Variants in ARHGAP26 observed in about 807,000 individuals in gnomAD.
ARHGAP26 encodes rho GTPase-activating protein 26.
In ARHGAP26, 38 loss-of-function variants were observed where a neutral mutation model predicts 104.8. The ratio of observed to expected loss-of-function variants is 0.36; its 90% CI spans 0.28 to 0.48. The LOEUF (loss-of-function observed/expected upper bound fraction) is 0.48, where lower values mean the gene tolerates loss of function less well. ARHGAP26 is among the 20% of genes least tolerant of loss of function. The probability of loss-of-function intolerance (pLI) is 0.99; values close to 1 mark genes in which losing one functional copy is unlikely to be tolerated. For missense variants in ARHGAP26, 704 were observed against 947.9 expected, an observed-to-expected ratio of 0.74 and a Z score of 3.38; for synonymous variants, 341 against 340.0, an observed-to-expected ratio of 1.00 and a Z score of -0.03.
intron 12 of ARHGAP26, among the ~76,000 whole-genome samples, chr5:143,034,688 A>G (rs1261163400): frequency 6.6e-6 from 1 of 152,184 alleles, no homozygotes; most frequent in African/African-American, 2.4e-5. Context: ...TAAATACTCT[A>G]GAAATTGCTG....
intron 1 of ARHGAP26, among the ~76,000 whole-genome samples, chr5:142,790,564 C>T (rs1759591626): frequency 6.6e-6 from 1 of 152,142 alleles, no homozygotes; most frequent in African/African-American, 2.4e-5. Context: ...CTTCCCATGC[C>T]ATTCGTCATA....
At chr5:143,131,225 G>A (rs923702503) in intron 18 of ARHGAP26, among the ~76,000 whole-genome samples, 2 of 152,178 alleles carry the variant, frequency 1.3e-5, no homozygotes, top group African/African-American at 2.4e-5. Context: ...TCACGCATCT[G>A]TCTAAAGCCA....
chr5:143,129,069 A>G (rs1055611532), intron 18 of ARHGAP26, among the ~76,000 whole-genome samples: 1 of 152,216 alleles, frequency 6.6e-6, no homozygotes, highest in Non-Finnish European at 1.5e-5. Context: ...ACAAGTGTCA[A>G]TGCTCTGCAA....
At chr5:143,074,882 T>G (rs1028256777) in intron 17 of ARHGAP26, among the ~76,000 whole-genome samples, 1 of 152,172 alleles carries the variant, frequency 6.6e-6, no homozygotes, top group Admixed American at 6.5e-5. Context: ...ACATGACACC[T>G]TCTCTGTTAG....
intron 17 of ARHGAP26, among the ~76,000 whole-genome samples, chr5:143,102,284 AGTCT>A (rs1324110038): frequency 6.6e-6 from 1 of 152,028 alleles, no homozygotes; most frequent in African/African-American, 2.4e-5. Context: ...GATAAACTTC[AGTCT>A]GTTCCACTAG....
intron 11 of ARHGAP26, among the ~76,000 whole-genome samples, chr5:143,010,405 C>T (rs988243012): frequency 2.6e-5 from 4 of 152,162 alleles, no homozygotes; most frequent in African/African-American, 9.7e-5. Flanking sequence ...ATGGTGGTTG[C>T]AAGGATTAGA....
chr5:142,809,490 GAA>G (rs1470666410), intron 1 of ARHGAP26, among the ~76,000 whole-genome samples: 1 of 152,172 alleles, frequency 6.6e-6, no homozygotes, highest in African/African-American at 2.4e-5. Context: ...ATGTCCTGGA[GAA>G]AGTCAAGATG....
intron 18 of ARHGAP26, among the ~76,000 whole-genome samples, chr5:143,132,973 C>T (rs1412991880): frequency 6.6e-6 from 1 of 152,034 alleles, no homozygotes; most frequent in Non-Finnish European, 1.5e-5. Context: ...TTACCTGTTG[C>T]TCAGGATTGC....
At chr5:143,083,926 G>A (rs17099858) in intron 17 of ARHGAP26, among the ~76,000 whole-genome samples, 1 of 152,142 alleles carries the variant, frequency 6.6e-6, no homozygotes, top group South Asian at 2.1e-4. Context: ...ATTATATTAC[G>A]TGTCATAAAA....
intron 20 of ARHGAP26, chr5:143,164,831 G>GC (rs1440478857): frequency 6.6e-6 from 1 of 152,088 alleles, no homozygotes; most frequent in Non-Finnish European, 1.5e-5. Context: ...ACTGGCCTTG[G>GC]CACACCTCAG....
chr5:142,791,116 G>T (rs188405918), intron 1 of ARHGAP26, among the ~76,000 whole-genome samples: 87 of 144,910 alleles, frequency 6.0e-4, no homozygotes, highest in African/African-American at 2.1e-3. Context: ...GTCTCGCTCT[G>T]TTGCCAGGCT....
At chr5:143,199,150 G>A (rs1298310986) in intron 20 of ARHGAP26, among the ~76,000 whole-genome samples, 4 of 152,160 alleles carry the variant, frequency 2.6e-5, no homozygotes, top group Non-Finnish European at 5.9e-5. Flanking sequence ...TAGATGAGGG[G>A]AAATAATCTG....
At chr5:142,826,936 T>A (rs1344262053) in intron 1 of ARHGAP26, among the ~76,000 whole-genome samples, 1 of 152,176 alleles carries the variant, frequency 6.6e-6, no homozygotes, top group Non-Finnish European at 1.5e-5. Context: ...GACCTGTCAT[T>A]ATGTGCTTCA....
At chr5:142,937,268 C>T (rs1348139691) in intron 11 of ARHGAP26, among the ~76,000 whole-genome samples, 1 of 151,972 alleles carries the variant, frequency 6.6e-6, no homozygotes, top group African/African-American at 2.4e-5. Flanking sequence ...GACATTTTAC[C>T]AAAGAGAATA....
chr5:143,014,997 C>A (rs1779388033), intron 12 of ARHGAP26, among the ~76,000 whole-genome samples: 1 of 152,074 alleles, frequency 6.6e-6, no homozygotes, highest in Non-Finnish European at 1.5e-5. Context: ...TTTGTGAAAG[C>A]CATTACAGGA....
At chr5:143,199,404 T>TA (rs1807365103) in intron 20 of ARHGAP26, among the ~76,000 whole-genome samples, 1 of 152,252 alleles carries the variant, frequency 6.6e-6, no homozygotes, top group East Asian at 1.9e-4. Flanking sequence ...GTAGCCAATT[T>TA]ACCACTGTTC....
At chr5:143,077,671 G>C (rs1172181969) in intron 17 of ARHGAP26, among the ~76,000 whole-genome samples, 1 of 152,208 alleles carries the variant, frequency 6.6e-6, no homozygotes, top group Non-Finnish European at 1.5e-5. Context: ...CAGATGACAG[G>C]GCGCTGCCAG....
intron 6 of ARHGAP26, among the ~76,000 whole-genome samples, chr5:142,895,380 G>A (rs761165428): frequency 4.6e-5 from 7 of 151,962 alleles, no homozygotes; most frequent in Non-Finnish European, 8.8e-5. Flanking sequence ...ACAGGTGCAC[G>A]CCACCACGCC....
rs192603742 is a variant in ARHGAP26 at position 142,898,011 on chromosome 5, C to A, written c.597+3663C>A. On this transcript the variant is annotated intron_variant, in intron 6 of 22. Transcript: ENST00000645722. Reference sequence around the variant, plus strand: ...TGTAAGGGACCTCTATGCAAATCGACCGTGTTCATTTGTTTCTTGAAAGTA... The same window carrying A: ...TGTAAGGGACCTCTATGCAAATCGAACGTGTTCATTTGTTTCTTGAAAGTA... Among the ~76,000 whole-genome samples, 341 of 152,212 alleles carry A rather than the reference C, an allele frequency of 2.2e-3. 3 individuals carry two copies. Among genetic ancestry groups the A allele is most frequent in the African/African-American group, 7.7e-3 (319 of 41,534 alleles).
Sources: gnomAD v4.1 joint callset for allele counts (sites outside exome capture counted in the v4.1 genomes callset) on GRCh38, gnomAD v4.1.1 for gene constraint, MANE v1.5 for transcripts, NCBI Gene and HGNC (gene_info 2026-07-23, HGNC 2026-07-21) for gene names.